The following PRUNE2 variants were observed in gnomAD, a reference collection of about 807,000 sequenced individuals.
PRUNE2 encodes protein prune homolog 2.
In PRUNE2, 164 loss-of-function variants were observed where a neutral mutation model predicts 252.0. The ratio of observed to expected loss-of-function variants is 0.65; its 90% CI spans 0.57 to 0.74. The LOEUF (loss-of-function observed/expected upper bound fraction) is 0.74. Ranked by LOEUF, PRUNE2 falls within the 30% of genes least tolerant of loss-of-function variation. The pLI is 0.00. For synonymous variants in PRUNE2, 1,292 were observed against 1,350.2 expected (o/e 0.96, Z 0.94); for missense variants, 3,495 against 3,711.0 (o/e 0.94, Z 1.51).
chr9:76,669,606 C>T (rs372371925), intron 9 of PRUNE2, among the ~76,000 whole-genome samples: 1 of 152,206 alleles, frequency 6.6e-6, no homozygotes, highest in African/African-American at 2.4e-5. Flanking sequence ...AGGCATGAGC[C>T]GCCATGCCCA....
At chr9:76,847,227 G>A (rs926227224) in intron 3 of PRUNE2, among the ~76,000 whole-genome samples, 2 of 151,936 alleles carry the variant, frequency 1.3e-5, no homozygotes, top group Non-Finnish European at 2.9e-5. Context: ...CTGGGAGGCT[G>A]AGGCAGGAGA....
At chr9:76,690,822 T>A (rs1395524898) in intron 9 of PRUNE2, among the ~76,000 whole-genome samples, 2 of 152,194 alleles carry the variant, frequency 1.3e-5, no homozygotes, top group Non-Finnish European at 2.9e-5. Flanking sequence ...CATCTTGTTG[T>A]TCTGAGTTGG....
chr9:76,879,667 GC>G (rs2061651217), intron 1 of PRUNE2, among the ~76,000 whole-genome samples: 1 of 151,716 alleles, frequency 6.6e-6, no homozygotes, highest in African/African-American at 2.4e-5. Context: ...GACCAAAGAA[GC>G]CTCCTTGGAA....
chr9:76,685,141 G>A (rs1368181931), intron 9 of PRUNE2, among the ~76,000 whole-genome samples: 1 of 152,220 alleles, frequency 6.6e-6, no homozygotes, highest in Non-Finnish European at 1.5e-5. Flanking sequence ...GGGAATGAGA[G>A]GACAGATTTC....
chr9:76,635,745 A>C (rs966964153), intron 15 of PRUNE2, among the ~76,000 whole-genome samples: 5 of 152,222 alleles, frequency 3.3e-5, no homozygotes, highest in Non-Finnish European at 7.4e-5. Context: ...GGAAAATTTC[A>C]ATTAATCTAA....
rs1054972588 is a variant in PRUNE2, at chr9:76,652,641, C to G, written c.8399G>C (p.Arg2800Thr). 4.3e-6 allele frequency: 7 copies of G among 1,612,988 alleles called. No individual in the cohort carries two copies. Among genetic ancestry groups the G allele is most frequent in the Non-Finnish European group, 5.9e-6 (7 of 1,179,140 alleles). ...GATATTTGGGGCTGTGAGCTTGATTCTCCGAGGATGAGTGTCATTAAGATC... is the reference window on the plus strand; with the variant it reads ...GATATTTGGGGCTGTGAGCTTGATTGTCCGAGGATGAGTGTCATTAAGATC... ...SLDLNDTHPR[R>T]IKLTAPNINL... is the part of the protein sequence containing the mutation. The change falls in exon 11 of 19, where the codon AGA (arginine) becomes ACA (threonine). Residue 2800 changes from arginine to threonine, a missense_variant. Arg to Thr is a moderately conservative substitution (Grantham distance 71). Coordinates refer to ENST00000376718, the MANE Select transcript of PRUNE2 (RefSeq NM_015225.3).
intron 2 of PRUNE2, among the ~76,000 whole-genome samples, chr9:76,851,560 A>ACAC (rs35766485): frequency 4.0e-5 from 6 of 150,644 alleles, no homozygotes; most frequent in African/African-American, 9.8e-5. Flanking sequence ...AAAAAAAAAA[A>ACAC]ACACACACAC....
chr9:76,629,406 T>C, intron 15 of PRUNE2, 116 bp from the exon 16 acceptor site: 1 of 561,282 alleles, frequency 1.8e-6, no homozygotes. Context: ...GCACTCTTAC[T>C]AAGAGGCTAA....
intron 15 of PRUNE2, among the ~76,000 whole-genome samples, chr9:76,629,545 G>A (rs1836514696): frequency 6.7e-6 from 1 of 150,224 alleles, no homozygotes; most frequent in Non-Finnish European, 1.5e-5. Context: ...TCTGAAATAT[G>A]TATACGTTGT....
Position 76,710,051 on chromosome 9 carries a change from C to T in PRUNE2, c.2223G>A (p.Gln741=), listed in dbSNP as rs753159159. The T allele has an allele frequency of 1.9e-6, 3 of 1,613,898 alleles. No individual in the cohort carries two copies. The highest frequency in any genetic ancestry group is 3.3e-5 in the Admixed American group (2 of 60,014). ...QDKNEESLPF[Q]NLPMEKSPLP... Reference sequence around the variant, plus strand: ...AAGGTGACTTCTCCATGGGCAGGTTCTGGAACGGCAAGCTTTCCTCATTTT... The same window carrying T: ...AAGGTGACTTCTCCATGGGCAGGTTTTGGAACGGCAAGCTTTCCTCATTTT... Residue 741 remains glutamine, a synonymous_variant, in exon 8 of 19, where the codon CAG becomes CAA. Coordinates refer to ENST00000376718, the MANE Select transcript of PRUNE2 (RefSeq NM_015225.3).
intron 9 of PRUNE2, among the ~76,000 whole-genome samples, chr9:76,659,173 C>T (rs760663098): frequency 1.3e-5 from 2 of 152,166 alleles, no homozygotes; most frequent in Non-Finnish European, 2.9e-5. Context: ...TTGTGTTTTG[C>T]CCTGAGATAT....
intron 6 of PRUNE2, among the ~76,000 whole-genome samples, chr9:76,774,767 T>A (rs1002367533): frequency 1.3e-5 from 2 of 152,128 alleles, no homozygotes; most frequent in African/African-American, 4.8e-5. Context: ...CCCAATTCTT[T>A]AAACCAGAAT....
rs115569461 is a variant in PRUNE2, at chr9:76,806,322, A to G, written c.756+17310T>C. ...GAAATCAGGATAAAAGCAAGTAACA[A>G]TTTGGATGTTTCTTCAGTTTGCACT... On this transcript the variant is annotated intron_variant, in intron 6 of 18. Transcript: ENST00000376718. 8.4e-3 allele frequency among the ~76,000 whole-genome samples: 1,282 copies of G among 152,262 alleles called. 15 individuals are homozygous for G. Among genetic ancestry groups the G allele is most frequent in the African/African-American group, 0.029 (1,213 of 41,546 alleles).
At chr9:76,676,079 A>AAAAC (rs2042520512) in intron 9 of PRUNE2, among the ~76,000 whole-genome samples, 1 of 151,468 alleles carries the variant, frequency 6.6e-6, no homozygotes, top group African/African-American at 2.4e-5. Flanking sequence ...AAAAAAACCA[A>AAAAC]AAACAAAAAA....
rs201868632 is a variant in PRUNE2 at position 76,706,322 on chromosome 9, T to C, written c.5952A>G (p.Thr1984=). The change falls in exon 8 of 19, where the codon ACA becomes ACG. Residue 1984 remains threonine (T), a synonymous_variant. Transcript: ENST00000376718. The part of the protein sequence containing the change: ...FTHAEENSCV[T]SNVSTNEGQE... Reference sequence around the variant, plus strand: ...GACCTTCATTAGTTGAAACATTAGATGTAACACAACTATTTTCCTCTGCGT... The same window carrying C: ...GACCTTCATTAGTTGAAACATTAGACGTAACACAACTATTTTCCTCTGCGT... 837 of 1,613,850 alleles carry C rather than the reference T, an allele frequency of 5.2e-4. No individual in the cohort carries two copies. Among genetic ancestry groups the C allele is most frequent in the Non-Finnish European group, 6.3e-4 (747 of 1,179,852 alleles).
chr9:76,819,163 T>C (rs960673698), intron 6 of PRUNE2, among the ~76,000 whole-genome samples: 4 of 152,112 alleles, frequency 2.6e-5, no homozygotes, highest in Admixed American at 6.5e-5. Flanking sequence ...GGTGGGAGGA[T>C]CCCTTGAGCC....
At chr9:76,712,546 C>T (rs2046817613) in intron 7 of PRUNE2, among the ~76,000 whole-genome samples, 1 of 152,226 alleles carries the variant, frequency 6.6e-6, no homozygotes, top group Non-Finnish European at 1.5e-5. Flanking sequence ...TTAACTCCTT[C>T]ATCTGCTCTT....
At chr9:76,659,579 A>T (rs940434153) in intron 9 of PRUNE2, among the ~76,000 whole-genome samples, 1 of 152,212 alleles carries the variant, frequency 6.6e-6, no homozygotes, top group Non-Finnish European at 1.5e-5. Flanking sequence ...CAGGTTGAGT[A>T]TCCCTTATCC....
chr9:76,846,321 T>C (rs562762982), intron 4 of PRUNE2, among the ~76,000 whole-genome samples, 194 bp downstream of exon 4: 91 of 152,340 alleles, frequency 6.0e-4, no homozygotes, highest in Admixed American at 8.5e-4. Flanking sequence ...TGCCTATTTT[T>C]AAATGCACAT....
Sources: gnomAD v4.1 joint callset for allele counts (sites outside exome capture counted in the v4.1 genomes callset) on GRCh38, gnomAD v4.1.1 for gene constraint, MANE v1.5 for transcripts, NCBI Gene and HGNC (gene_info 2026-07-23, HGNC 2026-07-21) for gene names.